Variants in EP400 observed in about 807,000 individuals in gnomAD.
EP400 encodes E1A binding protein p400.
EP400 carries 105 observed loss-of-function variants against 354.1 expected under a neutral mutation model. The observed-to-expected ratio is 0.30, with a 90% CI of 0.25 to 0.35. The LOEUF (loss-of-function observed/expected upper bound fraction) is 0.35, where lower values mean the gene tolerates loss of function less well. Among genes scored for constraint, EP400 ranks in the 10% least tolerant of loss-of-function variants. EP400 has a pLI of 1.00. For missense variants in EP400, 3,280 were observed against 4,121.0 expected (o/e 0.80, Z 5.59); for synonymous variants, 1,646 against 1,716.9 (o/e 0.96, Z 1.02).
chr12:132,001,303 C>T (rs1355967084), intron 12 of EP400, among the ~76,000 whole-genome samples: 1 of 152,178 alleles, frequency 6.6e-6, no homozygotes, highest in East Asian at 1.9e-4. Flanking sequence ...ACGTGGGTTA[C>T]GTGTCCACTG....
At position 131,990,582 on chromosome 12, in the gene EP400, T is replaced by G. The variant is rs151219150; in HGVS notation, c.2551-54T>G. On this transcript the variant is annotated intron_variant, in intron 8 of 52. Transcript: ENST00000389561. The surrounding 1 kb of genome is among the most constrained non-coding windows in gnomAD (Gnocchi z 4.2). ...GCTTTAGTGTTTTGTATGCAGAACG[T>G]CTGTAATTCCCATCCTTAGTAATGT... 8.4e-5 allele frequency: 112 copies of G among 1,333,366 alleles called. No individual in the cohort carries two copies. In the African/African-American group the frequency reaches 1.5e-3, roughly 18 times the overall value. The allele number at this position is 1,333,366 out of a possible 1,614,324, so 82.6% of individuals were successfully genotyped here.
chr12:132,011,452 C>T, intron 15 of EP400, 46 bp from the exon 16 acceptor site: 1 of 1,609,052 alleles, frequency 6.2e-7, no homozygotes, highest in African/African-American at 1.3e-5. Context: ...GGTGCCTGGA[C>T]ATGACAGATA....
Position 132,043,742 on chromosome 12 carries a change from C to T in EP400, c.6450+14C>T, listed in dbSNP as rs1261844505. ...AGAAACAGTGAGGTAAGAGAATCAA[C>T]TTTTGGTCAGTGAAAAAAATTTGCA... On this transcript the variant is annotated intron_variant, in intron 34 of 52. Transcript: ENST00000389561. 6.3e-7 allele frequency: 1 copy of T among 1,587,306 alleles called. No individual in the cohort carries two copies. Among genetic ancestry groups the T allele is most frequent in the Non-Finnish European group, 8.5e-7 (1 of 1,171,458 alleles).
rs1177014993 is a variant in EP400 at position 131,982,326 on chromosome 12, C to G, written c.1777C>G (p.Pro593Ala). The G allele has an allele frequency of 2.5e-6, 4 of 1,614,024 alleles. No individual in the cohort carries two copies. The highest frequency in any genetic ancestry group is 3.4e-6 in the Non-Finnish European group (4 of 1,180,036). ...AGAGGCCCAGACACAGCTCCAAATC[C>G]CGGTGAAGACTCAGCAGCCCAATGT... ...VVEAQTQLQI[P>A]VKTQQPNVPI... Residue 593 changes from proline to alanine, a missense_variant, in exon 5 of 53, where the codon CCG becomes GCG. Pro to Ala is a conservative substitution (Grantham distance 27). Around this residue, in one of 20 missense-constraint regions of EP400, gnomAD observed 800 missense variants for 840.0 expected, o/e 0.95. Coordinates refer to ENST00000389561, the MANE Select transcript of EP400 (RefSeq NM_015409.5).
chr12:132,077,356 C>G (rs182074075), intron 52 of EP400, 45 bp from the exon 53 acceptor site: 2 of 1,581,894 alleles, frequency 1.3e-6, no homozygotes, highest in Non-Finnish European at 1.7e-6. Context: ...TGTCCCTGGA[C>G]TGAGTTTCCT....
chr12:132,045,219 A>C (rs1593370611), intron 37 of EP400, 100 bp from the exon 38 acceptor site: 1 of 1,528,598 alleles, frequency 6.5e-7, no homozygotes, highest in Non-Finnish European at 8.8e-7. Context: ...CTCTTTGCCC[A>C]GGCACCTCCA....
intron 30 of EP400, among the ~76,000 whole-genome samples, chr12:132,034,981 G>T (rs1426140889): frequency 6.6e-6 from 1 of 152,184 alleles, no homozygotes; most frequent in Admixed American, 6.5e-5. Flanking sequence ...GGACAGGCGG[G>T]TGATAGAACA....
intron 15 of EP400, among the ~76,000 whole-genome samples, chr12:132,008,343 A>G (rs1893653815): frequency 6.6e-6 from 1 of 151,296 alleles, no homozygotes; most frequent in African/African-American, 2.4e-5. Flanking sequence ...GTTTTGAAAA[A>G]CTCGGTGCAT....
intron 2 of EP400, among the ~76,000 whole-genome samples, chr12:131,969,073 G>T: frequency 6.6e-6 from 1 of 151,228 alleles, no homozygotes; most frequent in Non-Finnish European, 1.5e-5. Flanking sequence ...ATTGGCAAGG[G>T]CACCCAGTAT....
intron 37 of EP400, 40 bp from the exon 38 acceptor site, chr12:132,045,276 TCTC>T: frequency 1.2e-6 from 2 of 1,604,810 alleles, no homozygotes; most frequent in Non-Finnish European, 1.7e-6. Flanking sequence ...CCGTGTGGAA[TCTC>T]CTGGTTTACT....
rs139219549 is a variant in EP400, at chr12:131,964,380, T to C, written c.1335+2426T>C. Among the ~76,000 whole-genome samples, 14 of 152,244 alleles carry C rather than the reference T, an allele frequency of 9.2e-5. No homozygotes were observed. The East Asian group carries it at 2.7e-3, about 29-fold the overall frequency. On this transcript the variant is annotated intron_variant, in intron 2 of 52. Coordinates refer to ENST00000389561, the MANE Select transcript of EP400 (RefSeq NM_015409.5). ...TACTCAGGAGGCTGAGGCAGGAGAA[T>C]TGCTTGAACCTGGGAGGCGGAGGTT...
chr12:132,017,194 T>C lies in EP400; in HGVS notation c.3924-341T>C, dbSNP rs1285566939. ...GCTGCCGAGCGGGTGTGTGAGGGGCTTTACTCTGCTGCGCTCACCCTGCCC... is the reference window on the plus strand; with the variant it reads ...GCTGCCGAGCGGGTGTGTGAGGGGCCTTACTCTGCTGCGCTCACCCTGCCC... On this transcript the variant is annotated intron_variant, in intron 19 of 52. Transcript: ENST00000389561. This position sits in a 1 kb window ranked among gnomAD's most constrained non-coding sequence, Gnocchi z 5.0. 6.6e-6 allele frequency among the ~76,000 whole-genome samples: 1 copy of C among 152,214 alleles called. No homozygotes were observed. Among genetic ancestry groups the C allele is most frequent in the Non-Finnish European group, 1.5e-5 (1 of 68,034 alleles).
In EP400 at chr12:132,064,547, G is replaced by A. The variant is rs964592217; in HGVS notation, c.8335-121G>A. The stretch of plus-strand genomic sequence containing the variant: ...ATGGAAGGCGGTCTGGATGCTGCAC[G>A]GTAGCAGGTGTCTGCTTTGGTATTT... On this transcript the variant is annotated intron_variant, in intron 47 of 52. Transcript: ENST00000389561. The A allele has an allele frequency of 2.4e-5, 32 of 1,332,044 alleles. No individual in the cohort carries two copies. The South Asian group carries it at 3.6e-4, about 15-fold the overall frequency. The allele number at this position is 1,332,044 out of a possible 1,614,324, so 82.5% of individuals were successfully genotyped here. A position where few individuals can be genotyped will look rare whatever the true frequency, so the allele number is the denominator to read the frequency against.
rs765852104 is a variant in EP400 at position 132,062,553 on chromosome 12, AGCAGCAGCAGCAG to A, written c.8187_8199del (p.Gln2729HisfsTer44). 24 of 1,552,334 alleles carry A rather than the reference AGCAGCAGCAGCAG, an allele frequency of 1.5e-5. No individual in the cohort carries two copies. The Middle Eastern group carries it at 6.8e-4, about 44-fold the overall frequency. On this transcript the variant is annotated frameshift_variant, in exon 47 of 53. Transcript: ENST00000389561. LOFTEE classifies it high-confidence loss of function. ...CAGCAGCAGCAGCAGCAACAACAGC[AGCAGCAGCAGCAG>A]CAGCAGCAGCAGCAGCAGCAGCAGC...
chr12:132,066,021 T>C (rs1250942186), intron 48 of EP400: 2 of 152,220 alleles, frequency 1.3e-5, no homozygotes, highest in African/African-American at 2.4e-5. Context: ...TTAGAGGAAA[T>C]TAAATGTCCA....
chr12:132,006,154 T>A lies in EP400; in HGVS notation c.2978T>A (p.Leu993Ter). The change falls in exon 14 of 53, where the codon TTG (leucine) becomes TAG (stop). Residue 993 changes from leucine to a stop codon, truncating the protein, a stop_gained. Transcript: ENST00000389561. LOFTEE classifies it high-confidence loss of function. ...CPGDRESRKD[L>*]VLIDSLFIMD... ...GGCGACAGGGAGAGTCGCAAGGACT[T>A]GGTTCTCATCGACTCGCTTTTCATC... The A allele has an allele frequency of 6.2e-7, 1 of 1,614,190 alleles. No individual in the cohort carries two copies. Among genetic ancestry groups the A allele is most frequent in the Non-Finnish European group, 8.5e-7 (1 of 1,180,026 alleles).
chr12:131,953,287 T>A (rs1891581531), intron 1 of EP400, among the ~76,000 whole-genome samples: 1 of 152,208 alleles, frequency 6.6e-6, no homozygotes, highest in African/African-American at 2.4e-5. Context: ...AGTAGAATGA[T>A]GGATTGGGGA....
intron 2 of EP400, among the ~76,000 whole-genome samples, chr12:131,966,562 C>CAAAAAAAAAAAAAAAAAAA (rs534384776): frequency 8.7e-5 from 5 of 57,516 alleles, no homozygotes; most frequent in South Asian, 7.8e-4. Flanking sequence ...TACCCTACCT[C>CAAAAAAAAAAAAAAAAAAA]AAAAAAAAAA....
intron 30 of EP400, among the ~76,000 whole-genome samples, chr12:132,036,897 G>A (rs1020737875): frequency 3.9e-5 from 6 of 152,126 alleles, no homozygotes; most frequent in Non-Finnish European, 8.8e-5. Flanking sequence ...CTGGGTTCAC[G>A]TCTTCACTTT....
Sources: gnomAD v4.1 joint callset for allele counts (sites outside exome capture counted in the v4.1 genomes callset) on GRCh38, gnomAD v4.1.1 for gene constraint, gnomAD v4.1.1 regional missense constraint, Gnocchi (gnomAD v3.1) non-coding constraint, MANE v1.5 for transcripts, NCBI Gene and HGNC (gene_info 2026-07-23, HGNC 2026-07-21) for gene names.